The following MLXIPL variants were observed in gnomAD, a reference collection of about 807,000 sequenced individuals.
MLXIPL encodes MLX interacting protein like.
A neutral mutation model predicts 81.5 loss-of-function variants in MLXIPL; 49 were observed. The observed-to-expected ratio is 0.60, with a 90% confidence interval of 0.48 to 0.76. The LOEUF (loss-of-function observed/expected upper bound fraction) is 0.76, where lower values mean the gene tolerates loss of function less well. Ranked by LOEUF, MLXIPL falls within the 30% of genes least tolerant of loss-of-function variation. The probability of loss-of-function intolerance (pLI) is 0.00; values close to 1 mark genes in which losing one functional copy is unlikely to be tolerated. For synonymous variants in MLXIPL, 466 were observed against 485.5 expected (o/e 0.96, Z 0.53); for missense variants, 1,053 against 1,167.0 (o/e 0.90, Z 1.42).
Position 73,611,273 on chromosome 7 carries a change from A to G in MLXIPL, c.401-3601T>C, listed in dbSNP as rs373361455. On this transcript the variant is annotated intron_variant, in intron 2 of 16. Coordinates refer to ENST00000313375, the MANE Select transcript of MLXIPL (RefSeq NM_032951.3). The stretch of plus-strand genomic sequence containing the variant: ...CCACCCTGGCCTGTCAGGTCTTTAC[A>G]TGCTCGCCTTGCTGCAGGGAGTAAA... 8 of 152,044 alleles carry G rather than the reference A, an allele frequency of 5.3e-5. No homozygotes were observed. The East Asian group carries it at 7.7e-4, about 15-fold the overall frequency. 9.4% of individuals were successfully genotyped at this position (152,044 alleles called of 1,614,324 possible). A position where few individuals can be genotyped will look rare whatever the true frequency, so the allele number is the denominator to read the frequency against.
chr7:73,639,717 T>C, the MLXIPL span, among the ~76,000 whole-genome samples: 7 of 152,182 alleles, frequency 4.6e-5, no homozygotes, highest in Non-Finnish European at 4.4e-5. Flanking sequence ...ATTATTATTA[T>C]AGGTGTAGGA....
At chr7:73,602,118 G>GCCTTCCTTCCTTCCTT (rs1157234046) in intron 7 of MLXIPL, among the ~76,000 whole-genome samples, 10 of 49,090 alleles carry the variant, frequency 2.0e-4, no homozygotes, top group East Asian at 2.2e-3. Flanking sequence ...CTGCCTGCCT[G>GCCTTCCTTCCTTCCTT]CCTGCCTGCC....
intron 7 of MLXIPL, among the ~76,000 whole-genome samples, chr7:73,603,844 T>G (rs1167598443): frequency 1.3e-5 from 2 of 152,152 alleles, no homozygotes; most frequent in African/African-American, 4.8e-5. Flanking sequence ...CAGGAGCATC[T>G]CTGGGAGGAC....
At chr7:73,600,929 C>T (rs923386854) in intron 7 of MLXIPL, among the ~76,000 whole-genome samples, 10 of 151,960 alleles carry the variant, frequency 6.6e-5, no homozygotes, top group Admixed American at 3.9e-4. Flanking sequence ...CGCTCCCTTC[C>T]GGGCACCTTT....
Position 73,596,123 on chromosome 7 carries a change from T to A in MLXIPL, c.2058+30A>T. 6.2e-7 allele frequency: 1 copy of A among 1,608,698 alleles called. No homozygotes were observed. ...GGTCCAGAAAGGGGCCCTGTGGTTT[T>A]GGGGGTGCCAGCCTGGGCCCGGGGC... On this transcript the variant is annotated intron_variant, in intron 13 of 16. Transcript: ENST00000313375. This position sits in a 1 kb window ranked among gnomAD's most constrained non-coding sequence, Gnocchi z 4.7.
intron 1 of MLXIPL, among the ~76,000 whole-genome samples, chr7:73,620,666 C>T (rs1442161432): frequency 6.6e-6 from 1 of 151,384 alleles, no homozygotes; most frequent in Non-Finnish European, 1.5e-5. Flanking sequence ...TGCTTGAACC[C>T]GTTGGGTGGA....
chr7:73,605,663 C>T (rs368443851), intron 7 of MLXIPL, 25 bp downstream of exon 7: 61 of 1,612,244 alleles, frequency 3.8e-5, no homozygotes, highest in South Asian at 6.6e-5. Flanking sequence ...CCCGTCCACC[C>T]GACCTGGGGA....
chr7:73,643,709 C>T, the MLXIPL span, among the ~76,000 whole-genome samples: 4 of 152,046 alleles, frequency 2.6e-5, no homozygotes, highest in Non-Finnish European at 5.9e-5. Flanking sequence ...GTAAATCCAC[C>T]CAAGACTGAG....
At chr7:73,619,691 G>A (rs1554601562) in intron 1 of MLXIPL, among the ~76,000 whole-genome samples, 1 of 151,898 alleles carries the variant, frequency 6.6e-6, no homozygotes, top group Non-Finnish European at 1.5e-5. Context: ...AGCACTTTGG[G>A]AGGCCGAGAT....
rs200438567 is a variant in MLXIPL, at chr7:73,607,324, C to A, written c.573+7G>T. On this transcript the variant is annotated splice_region_variant and intron_variant, in intron 4 of 16. Coordinates refer to ENST00000313375, the MANE Select transcript of MLXIPL (RefSeq NM_032951.3). ...CTCTGGGGCCTCCCTGGCCCTCCCC[C>A]ACTGACCCGCTTCTTGTAGTAGATG... 18 of 1,560,426 alleles carry A rather than the reference C, an allele frequency of 1.2e-5. No individual in the cohort carries two copies. The highest frequency in any genetic ancestry group is 3.3e-4 in the Middle Eastern group (2 of 6,022).
At chr7:73,631,311 G>A in the MLXIPL span, among the ~76,000 whole-genome samples, 6 of 151,948 alleles carry the variant, frequency 3.9e-5, no homozygotes, top group Non-Finnish European at 5.9e-5. Context: ...CACCGCACCC[G>A]GCCCACACTA....
chr7:73,615,765 T>C (rs1317019051), intron 2 of MLXIPL, among the ~76,000 whole-genome samples: 1 of 151,784 alleles, frequency 6.6e-6, no homozygotes, highest in Non-Finnish European at 1.5e-5. Context: ...ATACAAAAAT[T>C]AGCTGGGAGT....
intron 7 of MLXIPL, among the ~76,000 whole-genome samples, chr7:73,602,648 C>T (rs554718440): frequency 2.6e-5 from 4 of 152,092 alleles, no homozygotes; most frequent in Admixed American, 2.0e-4. Flanking sequence ...CCACTGCACT[C>T]CAGCCTGGGC....
At chr7:73,635,366 C>A in the MLXIPL span, among the ~76,000 whole-genome samples, 1 of 152,052 alleles carries the variant, frequency 6.6e-6, no homozygotes, top group African/African-American at 2.4e-5. Context: ...GTCATCCGTC[C>A]AGCCATCCAT....
rs1796543810 is a variant in MLXIPL, at chr7:73,623,893, CAG to C, written c.293+305_293+306del. ...TTTGTAGGGACGGAGGGGCTGGGACCAGAGAGAGGGGACCAGAGGTCCAGGTA... is the reference window on the plus strand; with the variant it reads ...TTTGTAGGGACGGAGGGGCTGGGACCAGAGAGGGGACCAGAGGTCCAGGTA... On this transcript the variant is annotated intron_variant, in intron 1 of 16. Transcript: ENST00000313375. This position sits in a 1 kb window ranked among gnomAD's most constrained non-coding sequence, Gnocchi z 5.7. 6.6e-6 allele frequency among the ~76,000 whole-genome samples: 1 copy of C among 151,780 alleles called. No individual in the cohort carries two copies. The highest frequency in any genetic ancestry group is 6.6e-5 in the Admixed American group (1 of 15,228).
chr7:73,637,170 A>G, the MLXIPL span, among the ~76,000 whole-genome samples: 12,095 of 152,122 alleles, frequency 0.08, 535 homozygotes, highest in Middle Eastern at 0.13. Flanking sequence ...AAGTCTATGT[A>G]GATTGAAAAT....
chr7:73,634,512 C>T, the MLXIPL span, among the ~76,000 whole-genome samples: 18 of 152,156 alleles, frequency 1.2e-4, no homozygotes, highest in South Asian at 3.7e-3. Flanking sequence ...CTGTCTCAGA[C>T]TCCCAAGTAG....
At chr7:73,608,371 C>T (rs1475098766) in intron 2 of MLXIPL, among the ~76,000 whole-genome samples, 1 of 151,818 alleles carries the variant, frequency 6.6e-6, no homozygotes, top group African/African-American at 2.4e-5. Context: ...GGGTGAATAA[C>T]GAGGCCAGGA....
rs74558243 is a variant in MLXIPL at position 73,607,734 on chromosome 7, G to A, written c.401-62C>T. ...CCTCATCCCCCACCTCACCCCAGGG[G>A]ACTGGGACTCAAGTGACACCCTGCG... On this transcript the variant is annotated intron_variant, in intron 2 of 16. Transcript: ENST00000313375. The A allele has an allele frequency of 3.6e-4, 528 of 1,459,874 alleles. 3 individuals are homozygous for A. In the African/African-American group the frequency reaches 6.7e-3, roughly 18 times the overall value. 90.4% of individuals were successfully genotyped at this position (1,459,874 alleles called of 1,614,324 possible). A position where few individuals can be genotyped will look rare whatever the true frequency, so the allele number is the denominator to read the frequency against.
Sources: gnomAD v4.1 joint callset for allele counts (sites outside exome capture counted in the v4.1 genomes callset) on GRCh38, gnomAD v4.1.1 for gene constraint, Gnocchi (gnomAD v3.1) non-coding constraint, MANE v1.5 for transcripts, NCBI Gene and HGNC (gene_info 2026-07-23, HGNC 2026-07-21) for gene names.